The following IFT140 variants were observed in gnomAD, a reference collection of about 807,000 sequenced individuals.
IFT140 encodes the protein intraflagellar transport 140, also known as intraflagellar transport protein 140 homolog.
Under a neutral mutation model 164.6 loss-of-function variants are expected in IFT140, and 133 were observed. The observed-to-expected ratio is 0.81, with a 90% CI of 0.70 to 0.93. The LOEUF is 0.93. Among genes scored for constraint, IFT140 ranks in the 40% least tolerant of loss-of-function variants. IFT140 has a pLI of 0.00. For synonymous variants in IFT140, 860 were observed against 817.3 expected (o/e 1.05, Z -0.89); for missense variants, 2,045 against 1,972.3 (o/e 1.04, Z -0.70).
intron 7 of IFT140, 25 bp from the exon 8 acceptor site, chr16:1,588,049 A>C (rs768855289): frequency 6.2e-7 from 1 of 1,607,408 alleles, no homozygotes; most frequent in South Asian, 1.1e-5. Flanking sequence ...AACCGAGCAG[A>C]GGCACCGTGC....
rs74411257 is a variant in IFT140 at position 1,550,783 on chromosome 16, G to A, written c.2399+7152C>T. ...ACCCTCTGGGGACACAGAGATTAATGACTTCCCCATCTCTCTAAGAGGAAT... is the reference window on the plus strand; with the variant it reads ...ACCCTCTGGGGACACAGAGATTAATAACTTCCCCATCTCTCTAAGAGGAAT... On this transcript the variant is annotated intron_variant, in intron 19 of 30. Coordinates refer to ENST00000426508, the MANE Select transcript of IFT140 (RefSeq NM_014714.4). Among the ~76,000 whole-genome samples, 438 of 152,300 alleles carry A rather than the reference G, an allele frequency of 2.9e-3. 2 individuals carry two copies. Among genetic ancestry groups the A allele is most frequent in the African/African-American group, 9.9e-3 (411 of 41,568 alleles).
intron 19 of IFT140, chr16:1,542,041 G>A: frequency 6.2e-7 from 1 of 1,610,834 alleles, no homozygotes; most frequent in Non-Finnish European, 8.5e-7. Flanking sequence ...GCCCCGTGCT[G>A]GGAGGAGGCC....
chr16:1,598,230 G>A (rs955747111), intron 4 of IFT140, among the ~76,000 whole-genome samples: 4 of 152,162 alleles, frequency 2.6e-5, no homozygotes, highest in South Asian at 2.1e-4. Flanking sequence ...AGGCTGAGGC[G>A]GGCAGATCAC....
intron 30 of IFT140, among the ~76,000 whole-genome samples, chr16:1,517,482 G>A (rs1044195011): frequency 2.0e-5 from 3 of 152,090 alleles, no homozygotes; most frequent in Non-Finnish European, 4.4e-5. Context: ...TACTCATCCA[G>A]AAAATGTGAA....
intron 30 of IFT140, among the ~76,000 whole-genome samples, chr16:1,516,275 T>G (rs1208611994): frequency 4.0e-5 from 6 of 150,458 alleles, no homozygotes; most frequent in Non-Finnish European, 8.9e-5. Flanking sequence ...AAGCAACAAT[T>G]ATAACACTAT....
intron 14 of IFT140, among the ~76,000 whole-genome samples, chr16:1,569,494 C>T (rs1452780015): frequency 6.8e-6 from 1 of 146,970 alleles, no homozygotes; most frequent in African/African-American, 2.5e-5. Flanking sequence ...TCCCTCCTCC[C>T]TCCCTCCCTT....
At position 1,525,919 on chromosome 16, in the gene IFT140, C is replaced by A; in HGVS notation, c.2736G>T (p.Glu912Asp). The change falls in exon 21 of 31, where the codon GAG (glutamate) becomes GAT (aspartate). Residue 912 changes from glutamate to aspartate, a missense_variant. By Grantham distance (45) the Glu-to-Asp change is conservative. Transcript: ENST00000426508. ...GGGCCCGGCTGCAGTCGGCGCTGGC[C>A]TCCAGGTGCCCGGCATAGCGGTGGT... ...STYHRYAGHL[E>D]ASADCSRALS... The A allele has an allele frequency of 6.4e-7, 1 of 1,564,962 alleles. No individual in the cohort carries two copies. Among genetic ancestry groups the A allele is most frequent in the Non-Finnish European group, 8.6e-7 (1 of 1,156,712 alleles).
chr16:1,584,504 C>T (rs937592687), intron 10 of IFT140, 84 bp from the exon 11 acceptor site: 8 of 1,073,260 alleles, frequency 7.5e-6, no homozygotes, highest in African/African-American at 3.1e-5. Flanking sequence ...CTTACACACA[C>T]GAGAACTCAG....
At chr16:1,518,442 A>T in intron 29 of IFT140, 85 bp from the exon 30 acceptor site, 4 of 1,361,370 alleles carry the variant, frequency 2.9e-6, no homozygotes, top group Middle Eastern at 1.9e-4. Context: ...TTGGCCTGTA[A>T]GAGGAGCTCT....
chr16:1,596,648 A>C (rs2035479427), intron 4 of IFT140, among the ~76,000 whole-genome samples: 1 of 152,226 alleles, frequency 6.6e-6, no homozygotes, highest in African/African-American at 2.4e-5. Flanking sequence ...CTCAGGGGAA[A>C]GGAAATCACA....
At position 1,564,280 on chromosome 16, in the gene IFT140, C is replaced by T. The variant is rs2033594062; in HGVS notation, c.1902-118G>A. 1.2e-6 allele frequency: 1 copy of T among 802,118 alleles called. No individual in the cohort carries two copies. Among genetic ancestry groups the T allele is most frequent in the Non-Finnish European group, 1.8e-6 (1 of 545,160 alleles). The allele number at this position is 802,118 out of a possible 1,614,324, so 49.7% of individuals were successfully genotyped here. On this transcript the variant is annotated intron_variant, in intron 16 of 30. Coordinates refer to ENST00000426508, the MANE Select transcript of IFT140 (RefSeq NM_014714.4). The surrounding 1 kb of genome is among the most constrained non-coding windows in gnomAD (Gnocchi z 5.5). ...TGTCCCAGACCATGGTGTCCACGCG[C>T]TCAGCTCTGGGAGAACTTTTGGGGT...
At chr16:1,520,543 G>T in intron 27 of IFT140, 59 bp downstream of exon 27, 1 of 1,492,652 alleles carries the variant, frequency 6.7e-7, no homozygotes, top group Non-Finnish European at 9.1e-7. Flanking sequence ...ATGCGTGCAG[G>T]GGGCCCGCAG....
rs1468304601 is a variant in IFT140 at position 1,526,021 on chromosome 16, G to A, written c.2634C>T (p.Phe878=). Residue 878 remains phenylalanine, a synonymous_variant, in exon 21 of 31, where the codon TTC becomes TTT. Coordinates refer to ENST00000426508, the MANE Select transcript of IFT140 (RefSeq NM_014714.4). The part of the protein sequence containing the change: ...KCKRHDLLNK[F]YQAAGRWQEA... ...CCTGCCACCGGCCCGCAGCCTGGTA[G>A]AACTTGTTCAGGAGGTCGTGGCGCT... is the stretch of plus-strand genomic sequence containing the variant. The A allele has an allele frequency of 2.6e-5, 42 of 1,602,082 alleles. No homozygotes were observed. Among genetic ancestry groups the A allele is most frequent in the Non-Finnish European group, 3.4e-5 (40 of 1,174,790 alleles).
intron 4 of IFT140, among the ~76,000 whole-genome samples, chr16:1,598,647 T>C (rs1596453070): frequency 6.6e-6 from 1 of 152,262 alleles, no homozygotes; most frequent in Non-Finnish European, 1.5e-5. Context: ...GAGAGGCTGG[T>C]GTGCACTATG....
chr16:1,543,865 T>C (rs1205852436), intron 19 of IFT140, among the ~76,000 whole-genome samples: 1 of 152,144 alleles, frequency 6.6e-6, no homozygotes, highest in Admixed American at 6.6e-5. Flanking sequence ...GGAAATGCCG[T>C]GGCTTAAAGA....
intron 19 of IFT140, chr16:1,534,245 C>T: frequency 6.2e-7 from 1 of 1,605,952 alleles, no homozygotes; most frequent in Non-Finnish European, 8.5e-7. Context: ...ACTTGGCTTT[C>T]TCCGGATAAG....
At chr16:1,513,556 G>A (rs1368072345) in intron 30 of IFT140, among the ~76,000 whole-genome samples, 1 of 152,162 alleles carries the variant, frequency 6.6e-6, no homozygotes, top group African/African-American at 2.4e-5. Flanking sequence ...ACTCCTGTGA[G>A]AGCAGCCCTC....
intron 15 of IFT140, among the ~76,000 whole-genome samples, chr16:1,568,006 C>A (rs11641175): frequency 0.053 from 8,009 of 152,250 alleles, 441 homozygotes; most frequent in Admixed American, 0.17. Context: ...CGGGGAGGAA[C>A]AGAGGCTGGG....
At position 1,545,045 on chromosome 16, in the gene IFT140, C is replaced by T. The variant is rs1340443663; in HGVS notation, c.2399+12890G>A. On this transcript the variant is annotated intron_variant, in intron 19 of 30. Transcript: ENST00000426508. ...CATGTCGAAAATGACAGCTTACTTC[C>T]TGCAAAATCTTATTTCAGGACAAGA... Among the ~76,000 whole-genome samples, 5 of 152,202 alleles carry T rather than the reference C, an allele frequency of 3.3e-5. No individual in the cohort carries two copies. The East Asian group carries it at 7.7e-4, about 23-fold the overall frequency.
Sources: allele counts gnomAD v4.1 joint callset (sites outside exome capture counted in the v4.1 genomes callset), GRCh38; gene constraint gnomAD v4.1.1; non-coding constraint Gnocchi (gnomAD v3.1); transcripts MANE v1.5; gene names NCBI Gene and HGNC (gene_info 2026-07-23, HGNC 2026-07-21).